Variants in PUDP observed in about 807,000 individuals in gnomAD.
The protein encoded by PUDP is pseudouridine 5'-phosphatase.
In PUDP, 8 loss-of-function variants were observed where a neutral mutation model predicts 9.4. The ratio of observed to expected loss-of-function variants is 0.85; its 90% confidence interval spans 0.50 to 1.53. The LOEUF (loss-of-function observed/expected upper bound fraction) is 1.53, where lower values mean the gene tolerates loss of function less well. Among genes scored for constraint, PUDP ranks in the 40% most tolerant of loss-of-function variants. PUDP has a pLI of 0.00. For synonymous variants in PUDP, 99 were observed against 80.7 expected (o/e 1.23, Z -1.22); for missense variants, 188 against 189.7 (o/e 0.99, Z 0.05).
At chrX:6,936,184 AAG>A (rs1191503573) in intron 3 of PUDP, among the ~76,000 whole-genome samples, 122 of 98,966 alleles carry the variant, frequency 1.2e-3, no homozygotes, top group African/African-American at 4.2e-3. Flanking sequence ...ACAACAAAAA[AAG>A]AGAATTTTAG....
intron 3 of PUDP, among the ~76,000 whole-genome samples, chrX:6,941,791 A>G (rs1294856307): frequency 8.9e-6 from 1 of 112,289 alleles, no homozygotes; most frequent in East Asian, 2.8e-4. Flanking sequence ...TGAAATAATT[A>G]CCACGATCAA....
At chrX:6,994,335 C>T (rs1929223710) in intron 1 of PUDP, among the ~76,000 whole-genome samples, 1 of 111,959 alleles carries the variant, frequency 8.9e-6, no homozygotes, top group African/African-American at 3.2e-5. Context: ...ATTGCTTAAA[C>T]CCAGGTGTTG....
At chrX:7,147,920 G>T (rs752927634) in intron 1 of PUDP, 133 bp downstream of exon 1, 12 of 454,337 alleles carry the variant, frequency 2.6e-5, no homozygotes, top group African/African-American at 2.6e-4. Context: ...GGGGCAGAGC[G>T]CGCGGGAGCC....
At chrX:7,077,744 T>C (rs1438907554) in intron 2 of PUDP, among the ~76,000 whole-genome samples, 2 of 112,678 alleles carry the variant, frequency 1.8e-5, no homozygotes, top group Non-Finnish European at 1.9e-5. Flanking sequence ...GGCCTCCTTA[T>C]GAAACGTGGA....
intron 3 of PUDP, among the ~76,000 whole-genome samples, chrX:6,942,328 A>G (rs1320161349): frequency 8.9e-6 from 1 of 112,314 alleles, no homozygotes; most frequent in African/African-American, 3.2e-5. Flanking sequence ...GAAAACTTTA[A>G]TATTTAAAAG....
chrX:7,055,377 G>A (rs943112410), intron 3 of PUDP, among the ~76,000 whole-genome samples: 9 of 110,575 alleles, frequency 8.1e-5, no homozygotes, highest in African/African-American at 2.6e-4. Flanking sequence ...TCAGCCTCTC[G>A]AGTAGCTGGG....
chrX:6,933,691 G>A (rs918418613), intron 3 of PUDP, among the ~76,000 whole-genome samples: 13 of 109,259 alleles, frequency 1.2e-4, no homozygotes, highest in Admixed American at 6.0e-4. Flanking sequence ...TCTGAGCTAC[G>A]GGAGGACATT....
intron 1 of PUDP, among the ~76,000 whole-genome samples, chrX:7,017,012 C>T (rs1018630226): frequency 9.0e-6 from 1 of 111,588 alleles, no homozygotes; most frequent in African/African-American, 3.3e-5. Context: ...TAATTGATAA[C>T]CTGGCTCTTG....
At chrX:6,840,488 C>A (rs865996631) in intron 3 of PUDP, among the ~76,000 whole-genome samples, 6 of 112,119 alleles carry the variant, frequency 5.4e-5, no homozygotes, top group Admixed American at 1.9e-4. Context: ...ATGAAATAAA[C>A]CAGTCTGAGA....
intron 3 of PUDP, among the ~76,000 whole-genome samples, chrX:6,770,953 T>C (rs1280129934): frequency 2.7e-5 from 3 of 111,393 alleles, no homozygotes; most frequent in Non-Finnish European, 5.7e-5. Context: ...AGTCAACCTC[T>C]CCCCCTTCTA....
intron 3 of PUDP, among the ~76,000 whole-genome samples, chrX:6,899,079 T>A (rs1333710482): frequency 8.9e-6 from 1 of 112,349 alleles, no homozygotes; most frequent in Non-Finnish European, 1.9e-5. Flanking sequence ...TAACCACATT[T>A]ATAAACATCT....
At chrX:6,919,076 T>G (rs1344875779) in intron 3 of PUDP, among the ~76,000 whole-genome samples, 1 of 111,815 alleles carries the variant, frequency 8.9e-6, no homozygotes. Flanking sequence ...CTCATAAAAA[T>G]AGAGGCTCCT....
intron 3 of PUDP, among the ~76,000 whole-genome samples, chrX:6,827,443 T>C (rs1481955919): frequency 9.0e-6 from 1 of 111,714 alleles, no homozygotes; most frequent in Non-Finnish European, 1.9e-5. Flanking sequence ...ATTTGGTGTA[T>C]GCCGTATGTA....
At chrX:6,928,357 CAG>C (rs920497189) in intron 3 of PUDP, among the ~76,000 whole-genome samples, 1 of 111,354 alleles carries the variant, frequency 9.0e-6, no homozygotes, top group Non-Finnish European at 1.9e-5. Context: ...ATGGGAGAGA[CAG>C]GGGTTTGGGG....
chrX:6,891,625 C>G (rs1302509502), intron 3 of PUDP, among the ~76,000 whole-genome samples: 1 of 112,191 alleles, frequency 8.9e-6, no homozygotes, highest in Non-Finnish European at 1.9e-5. Context: ...TTGGACAAGT[C>G]ATTGCTCTCT....
intron 1 of PUDP, among the ~76,000 whole-genome samples, chrX:7,013,668 C>T (rs774977379): frequency 5.4e-4 from 61 of 112,026 alleles, no homozygotes; most frequent in Middle Eastern, 4.6e-3. Flanking sequence ...GCGTGTGGCT[C>T]GCCCGCTTGG....
chrX:6,752,239 T>C (rs1159251813), intron 3 of PUDP, among the ~76,000 whole-genome samples: 1 of 111,884 alleles, frequency 8.9e-6, no homozygotes, highest in African/African-American at 3.2e-5. Context: ...CTTCTTGGTC[T>C]TGATCCATTT....
intron 3 of PUDP, among the ~76,000 whole-genome samples, chrX:6,943,011 T>C (rs1928418505): frequency 8.9e-6 from 1 of 112,318 alleles, no homozygotes; most frequent in Non-Finnish European, 1.9e-5. Context: ...TTTGCAGTAC[T>C]TTGCTTCAGC....
At chrX:6,715,079 AG>A (rs201420947) in intron 1 of PUDP, among the ~76,000 whole-genome samples, 1,602 of 110,748 alleles carry the variant, frequency 0.014, 29 homozygotes, top group African/African-American at 0.048. Context: ...TAAAATGTAA[AG>A]GAACATAAAT....
Sources: gnomAD v4.1 joint callset for allele counts (sites outside exome capture counted in the v4.1 genomes callset) on GRCh38, gnomAD v4.1.1 for gene constraint, MANE v1.5 for transcripts, NCBI Gene and HGNC (gene_info 2026-07-23, HGNC 2026-07-21) for gene names.